The following GULP1 variants were observed in gnomAD, a reference collection of about 807,000 sequenced individuals.
GULP1 encodes the protein PTB domain-containing engulfment adapter protein 1.
GULP1 carries 19 observed loss-of-function variants against 40.9 expected under a neutral mutation model. The ratio of observed to expected loss-of-function variants is 0.46; its 90% CI spans 0.32 to 0.68. The LOEUF (loss-of-function observed/expected upper bound fraction) is 0.68, where lower values mean the gene tolerates loss of function less well. GULP1 is among the 30% of genes least tolerant of loss of function. The pLI is 0.03. For synonymous variants in GULP1, 119 were observed against 117.6 expected (o/e 1.01, Z -0.08); for missense variants, 312 against 362.2 (o/e 0.86, Z 1.12).
chr2:188,461,223 A>G (rs1391573942), intron 2 of GULP1, among the ~76,000 whole-genome samples: 1 of 151,994 alleles, frequency 6.6e-6, no homozygotes, highest in Non-Finnish European at 1.5e-5. Flanking sequence ...AATAGTTTAA[A>G]TAGTTTGAGT....
At chr2:188,417,598 C>T (rs902538523) in intron 2 of GULP1, among the ~76,000 whole-genome samples, 29 of 152,056 alleles carry the variant, frequency 1.9e-4, no homozygotes, top group African/African-American at 6.8e-4. Context: ...AAACTATTCT[C>T]TTGTAAAAGA....
At chr2:188,582,940 A>G (rs1159651710) in intron 9 of GULP1, among the ~76,000 whole-genome samples, 7 of 152,178 alleles carry the variant, frequency 4.6e-5, no homozygotes, top group South Asian at 2.1e-4. Flanking sequence ...TATCTCTTTC[A>G]AGGAGCTTAG....
intron 7 of GULP1, among the ~76,000 whole-genome samples, chr2:188,565,974 A>C (rs750137172): frequency 2.0e-5 from 3 of 152,168 alleles, no homozygotes; most frequent in African/African-American, 7.2e-5. Flanking sequence ...GGCAAAACTG[A>C]TTTATAATGA....
intron 1 of GULP1, among the ~76,000 whole-genome samples, chr2:188,308,042 C>A (rs1318370775): frequency 8.5e-5 from 2 of 23,554 alleles, no homozygotes; most frequent in East Asian, 0.017. Context: ...GCCAGTCCTG[C>A]CCCTGGGCTT....
rs535886260 is a variant in GULP1 at position 188,309,259 on chromosome 2, A to C, written c.-172+17093A>C. 5.9e-5 allele frequency among the ~76,000 whole-genome samples: 9 copies of C among 152,218 alleles called. No homozygotes were observed. The South Asian group carries it at 6.2e-4, about 11-fold the overall frequency. On this transcript the variant is annotated intron_variant, in intron 1 of 11. Transcript: ENST00000409830. Reference sequence around the variant, plus strand: ...GGTGGGCAGGTTGCTTGAGCCCAGCAGTTCAAGACCAGCCTGGGCAACATG... The same window carrying C: ...GGTGGGCAGGTTGCTTGAGCCCAGCCGTTCAAGACCAGCCTGGGCAACATG...
intron 1 of GULP1, among the ~76,000 whole-genome samples, chr2:188,380,136 T>A (rs182597331): frequency 6.6e-6 from 1 of 152,304 alleles, no homozygotes; most frequent in East Asian, 1.9e-4. Flanking sequence ...GGGGTATAGG[T>A]ATGACTATTT....
intron 2 of GULP1, among the ~76,000 whole-genome samples, chr2:188,417,506 A>G (rs1328423193): frequency 6.6e-6 from 1 of 152,234 alleles, no homozygotes; most frequent in African/African-American, 2.4e-5. Flanking sequence ...ACAGGAAAAA[A>G]ATATATCACT....
chr2:188,457,024 A>G (rs2152943963), intron 2 of GULP1, among the ~76,000 whole-genome samples: 1 of 152,238 alleles, frequency 6.6e-6, no homozygotes, highest in African/African-American at 2.4e-5. Context: ...AGTTTCTCCC[A>G]TTTGGAATGG....
intron 1 of GULP1, chr2:188,297,445 C>T (rs2035207356): frequency 2.2e-6 from 1 of 462,612 alleles, no homozygotes; most frequent in Non-Finnish European, 4.5e-6. Flanking sequence ...TGGTATGGTA[C>T]AGCTTTTTCT....
intron 2 of GULP1, among the ~76,000 whole-genome samples, chr2:188,433,810 A>G (rs2057144533): frequency 6.6e-6 from 1 of 152,140 alleles, no homozygotes; most frequent in South Asian, 2.1e-4. Context: ...AAGTCCTGAG[A>G]ACATGTTCTC....
intron 7 of GULP1, among the ~76,000 whole-genome samples, chr2:188,552,901 A>C (rs749838812): frequency 1.3e-5 from 2 of 149,948 alleles, no homozygotes; most frequent in Non-Finnish European, 3.0e-5. Flanking sequence ...ATATGTGTTT[A>C]TCTCTCTCTA....
intron 1 of GULP1, among the ~76,000 whole-genome samples, chr2:188,328,063 T>C (rs2041013818): frequency 6.6e-6 from 1 of 152,016 alleles, no homozygotes; most frequent in African/African-American, 2.4e-5. Context: ...CCAAAAGCAT[T>C]TGGAGAGAGA....
intron 1 of GULP1, among the ~76,000 whole-genome samples, chr2:188,327,999 AG>A (rs2041003650): frequency 6.6e-6 from 1 of 152,120 alleles, no homozygotes; most frequent in East Asian, 1.9e-4. Context: ...GATGAGTAAA[AG>A]TACATACCAA....
At chr2:188,533,766 C>A (rs1024996338) in intron 6 of GULP1, among the ~76,000 whole-genome samples, 2 of 152,026 alleles carry the variant, frequency 1.3e-5, no homozygotes, top group African/African-American at 4.8e-5. Context: ...CTATAAGGAA[C>A]TTAAACAATT....
At chr2:188,327,312 A>T (rs532657002) in intron 1 of GULP1, among the ~76,000 whole-genome samples, 3 of 152,300 alleles carry the variant, frequency 2.0e-5, no homozygotes, top group East Asian at 3.9e-4. Context: ...TTTGGACAGG[A>T]TTATTTGAAT....
intron 1 of GULP1, among the ~76,000 whole-genome samples, chr2:188,318,526 CA>C (rs2039480216): frequency 6.6e-6 from 1 of 152,186 alleles, no homozygotes; most frequent in East Asian, 1.9e-4. Flanking sequence ...ACAACGGAGA[CA>C]GGGCTGGAAC....
At chr2:188,505,648 T>G (rs971469350) in intron 4 of GULP1, among the ~76,000 whole-genome samples, 1 of 151,810 alleles carries the variant, frequency 6.6e-6, no homozygotes, top group Non-Finnish European at 1.5e-5. Flanking sequence ...TCAGTGAAGA[T>G]GTGCCATTCT....
intron 2 of GULP1, among the ~76,000 whole-genome samples, chr2:188,431,209 A>T (rs2056833222): frequency 6.6e-6 from 1 of 152,194 alleles, no homozygotes; most frequent in Admixed American, 6.5e-5. Flanking sequence ...GAATTAAGTT[A>T]TACTGGAGGA....
chr2:188,368,904 A>T (rs2047167733), intron 1 of GULP1, among the ~76,000 whole-genome samples: 1 of 135,380 alleles, frequency 7.4e-6, no homozygotes, highest in Admixed American at 7.7e-5. Flanking sequence ...GTGTATTAAT[A>T]GATAGAATAT....
Sources: gnomAD v4.1 joint callset for allele counts (sites outside exome capture counted in the v4.1 genomes callset) on GRCh38, gnomAD v4.1.1 for gene constraint, MANE v1.5 for transcripts, NCBI Gene and HGNC (gene_info 2026-07-23, HGNC 2026-07-21) for gene names.